ROPN1L: variants seen among roughly 807,000 people sequenced by gnomAD.
The protein encoded by ROPN1L is ropporin-1-like protein.
A neutral mutation model predicts 22.7 loss-of-function variants in ROPN1L; 23 were observed. The ratio of observed to expected loss-of-function variants is 1.01; its 90% CI spans 0.73 to 1.43. The LOEUF (loss-of-function observed/expected upper bound fraction) is 1.43. Ranked by LOEUF, ROPN1L falls within the 40% of genes most tolerant of loss-of-function variation. ROPN1L has a pLI of 0.00. For synonymous variants in ROPN1L, 116 were observed against 117.8 expected, an observed-to-expected ratio of 0.98 and a Z score of 0.10; for missense variants, 271 against 291.5, an observed-to-expected ratio of 0.93 and a Z score of 0.51.
chr5:10,481,170 C>T, the ROPN1L span, among the ~76,000 whole-genome samples: 2 of 152,164 alleles, frequency 1.3e-5, no homozygotes, highest in African/African-American at 2.4e-5. Flanking sequence ...ACTCACAGCA[C>T]AGCAAGCAGC....
At chr5:10,465,079 G>A (rs73049403), downstream of ROPN1L, 1,169 of 491,940 alleles carry the variant, frequency 2.4e-3, 9 homozygotes, top group African/African-American at 0.02. Flanking sequence ...TGACTGCTTC[G>A]TGGGGCCTGA....
At chr5:10,470,664 A>T (rs980090769) in intron 4 of ROPN1L, among the ~76,000 whole-genome samples, 10 of 152,108 alleles carry the variant, frequency 6.6e-5, no homozygotes, top group African/African-American at 2.4e-4. Context: ...TTGGCCTGGG[A>T]TATGGAATGG....
chr5:10,449,908 G>GT (rs765350447), intron 2 of ROPN1L, 44 bp from the exon 3 acceptor site: 51 of 1,556,664 alleles, frequency 3.3e-5, no homozygotes, highest in Non-Finnish European at 4.4e-5. Flanking sequence ...TGTTTCCCAG[G>GT]TTTTAAAACA....
intron 2 of ROPN1L, among the ~76,000 whole-genome samples, chr5:10,449,519 A>C (rs1741186799): frequency 6.6e-6 from 1 of 152,192 alleles, no homozygotes; most frequent in African/African-American, 2.4e-5. Flanking sequence ...ACTGTCCAAA[A>C]ATTAACAAAT....
chr5:10,461,459 C>G (rs1561176776), intron 4 of ROPN1L, 100 bp downstream of exon 4: 1 of 997,454 alleles, frequency 1.0e-6, no homozygotes. Flanking sequence ...TTCCTTTGCT[C>G]TCTCACCACA....
rs1438818270 is a variant in ROPN1L, at chr5:10,441,948, G to A, written c.-220G>A. 1.8e-6 allele frequency: 1 copy of A among 546,410 alleles called. No homozygotes were observed. Among genetic ancestry groups the A allele is most frequent in the Non-Finnish European group, 3.3e-6 (1 of 307,076 alleles). The allele number at this position is 546,410 out of a possible 1,614,324, so 33.8% of individuals were successfully genotyped here. On this transcript the variant is annotated 5_prime_UTR_variant, in exon 1 of 5. Transcript: ENST00000274134. ...GGCGCTAGGGAACTGCAGGGTCTAG[G>A]GTGTTGTCGGAGTGGCAGTTGGTCC...
rs1362978971 is a variant in ROPN1L, at chr5:10,441,936, T to A, written c.-232T>A. 3 of 415,688 alleles carry A rather than the reference T, an allele frequency of 7.2e-6. No individual in the cohort carries two copies. Among genetic ancestry groups the A allele is most frequent in the Non-Finnish European group, 1.3e-5 (3 of 231,436 alleles). 25.7% of individuals were successfully genotyped at this position (415,688 alleles called of 1,614,324 possible). A position where few individuals can be genotyped will look rare whatever the true frequency, so the allele number is the denominator to read the frequency against. Reference sequence around the variant, plus strand: ...GTAGTGGCGGCTGGCGCTAGGGAACTGCAGGGTCTAGGGTGTTGTCGGAGT... The same window carrying A: ...GTAGTGGCGGCTGGCGCTAGGGAACAGCAGGGTCTAGGGTGTTGTCGGAGT... On this transcript the variant is annotated 5_prime_UTR_variant, in exon 1 of 5. Coordinates refer to ENST00000274134, the MANE Select transcript of ROPN1L (RefSeq NM_031916.5).
Position 10,461,013 on chromosome 5 carries a change from T to C in ROPN1L, c.418-171T>C, listed in dbSNP as rs2303984. The stretch of plus-strand genomic sequence containing the variant: ...CCCATTCGAACCTTTCCTTTTCATT[T>C]TTCATTATGGCAATTGTACATTCAC... On this transcript the variant is annotated intron_variant, in intron 3 of 4. Coordinates refer to ENST00000274134, the MANE Select transcript of ROPN1L (RefSeq NM_031916.5). Among the ~76,000 whole-genome samples the C allele has an allele frequency of 9.8e-5, 15 of 152,388 alleles. No individual in the cohort carries two copies. In the East Asian group the frequency reaches 2.3e-3, roughly 23 times the overall value.
chr5:10,455,837 T>C (rs189539009), intron 3 of ROPN1L, among the ~76,000 whole-genome samples: 1 of 151,884 alleles, frequency 6.6e-6, no homozygotes, highest in Admixed American at 6.6e-5. Context: ...CAGTGCTGGG[T>C]CAGAGGCTTT....
At chr5:10,462,696 C>T (rs1294246114) in intron 4 of ROPN1L, among the ~76,000 whole-genome samples, 1 of 152,074 alleles carries the variant, frequency 6.6e-6, no homozygotes, top group Non-Finnish European at 1.5e-5. Flanking sequence ...GAGTTCGAGA[C>T]CAGCCTGGCC....
At chr5:10,455,215 G>A (rs189461415) in intron 3 of ROPN1L, among the ~76,000 whole-genome samples, 119 of 152,308 alleles carry the variant, frequency 7.8e-4, no homozygotes, top group Middle Eastern at 3.4e-3. Flanking sequence ...AGCCACCTGC[G>A]CTGCGGCAGT....
chr5:10,473,159 T>C (rs750180887), downstream of ROPN1L, among the ~76,000 whole-genome samples: 7 of 152,230 alleles, frequency 4.6e-5, no homozygotes, highest in Non-Finnish European at 1.0e-4. Flanking sequence ...TCCCTGGTTG[T>C]AGTCAGTTGA....
downstream of ROPN1L, among the ~76,000 whole-genome samples, chr5:10,466,442 A>G (rs944251777): frequency 6.6e-6 from 1 of 152,212 alleles, no homozygotes; most frequent in African/African-American, 2.4e-5. Flanking sequence ...CGTGCAACAC[A>G]GCATCACTGG....
At chr5:10,463,355 C>T (rs186028194) in intron 4 of ROPN1L, among the ~76,000 whole-genome samples, 231 of 152,360 alleles carry the variant, frequency 1.5e-3, no homozygotes, top group African/African-American at 5.4e-3. Flanking sequence ...ACTCTGCACC[C>T]TGCACTACCT....
At chr5:10,447,227 G>A (rs942987078) in intron 1 of ROPN1L, among the ~76,000 whole-genome samples, 15 of 152,086 alleles carry the variant, frequency 9.9e-5, no homozygotes, top group African/African-American at 2.4e-4. Flanking sequence ...CTTCAGCATC[G>A]CCACCTCTGG....
At chr5:10,452,534 C>T (rs1741292456) in intron 3 of ROPN1L, among the ~76,000 whole-genome samples, 1 of 151,682 alleles carries the variant, frequency 6.6e-6, no homozygotes, top group Non-Finnish European at 1.5e-5. Context: ...GACAGCGTTT[C>T]ACCATGTTGG....
the ROPN1L span, among the ~76,000 whole-genome samples, chr5:10,478,436 G>C: frequency 1.4e-4 from 22 of 152,302 alleles, no homozygotes; most frequent in Non-Finnish European, 3.2e-4. Context: ...TAGCTTCCCG[G>C]ACTTGATTGG....
the ROPN1L span, chr5:10,482,122 CG>C: frequency 3.3e-5 from 5 of 151,368 alleles, no homozygotes; most frequent in African/African-American, 1.2e-4. Context: ...CCCAGCTACT[CG>C]GGAGGCTGAG....
At chr5:10,456,909 A>T (rs1174144271) in intron 3 of ROPN1L, among the ~76,000 whole-genome samples, 1 of 151,474 alleles carries the variant, frequency 6.6e-6, no homozygotes, top group African/African-American at 2.4e-5. Flanking sequence ...ATCCACGCCA[A>T]CTCCTTCCTT....
Sources: gnomAD v4.1 joint callset for allele counts (sites outside exome capture counted in the v4.1 genomes callset) on GRCh38, gnomAD v4.1.1 for gene constraint, MANE v1.5 for transcripts, NCBI Gene and HGNC (gene_info 2026-07-23, HGNC 2026-07-21) for gene names.